VAPB: variants seen among roughly 807,000 people sequenced by gnomAD.
VAPB encodes vesicle-associated membrane protein-associated protein B/C.
Under a neutral mutation model 25.6 loss-of-function variants are expected in VAPB, and 7 were observed. That is an observed-to-expected ratio of 0.27 (90% confidence interval 0.16 to 0.51). VAPB has a LOEUF of 0.51. VAPB is among the 20% of genes least tolerant of loss of function. VAPB has a pLI of 0.97. For synonymous variants in VAPB, 112 were observed against 109.2 expected, an observed-to-expected ratio of 1.03 and a Z score of -0.16; for missense variants, 266 against 301.3, an observed-to-expected ratio of 0.88 and a Z score of 0.87.
intron 2 of VAPB, among the ~76,000 whole-genome samples, chr20:58,423,523 G>A (rs1201343545): frequency 1.4e-5 from 2 of 147,912 alleles, no homozygotes; most frequent in East Asian, 2.0e-4. Context: ...TAATTTAAAT[G>A]GATAGTATTG....
At chr20:58,416,507 C>T (rs936447383) in intron 1 of VAPB, among the ~76,000 whole-genome samples, 2 of 151,284 alleles carry the variant, frequency 1.3e-5, no homozygotes, top group African/African-American at 4.9e-5. Flanking sequence ...TTGGGTTCAG[C>T]GAGGAGCAGT....
rs1158258388 is a variant in VAPB at position 58,451,011 on chromosome 20, C to T, written c.*6776C>T. 2.2e-6 allele frequency: 1 copy of T among 451,868 alleles called. No homozygotes were observed. Among genetic ancestry groups the T allele is most frequent in the Admixed American group, 2.4e-5 (1 of 42,464 alleles). The allele number at this position is 451,868 out of a possible 1,614,324, so 28.0% of individuals were successfully genotyped here. A position where few individuals can be genotyped will look rare whatever the true frequency, so the allele number is the denominator to read the frequency against. ...TGTTCTCCCATGTTCCATTATCAGCCTGATGAAACCTGCCCTGCCAAGGCA... is the reference window on the plus strand; with the variant it reads ...TGTTCTCCCATGTTCCATTATCAGCTTGATGAAACCTGCCCTGCCAAGGCA... On this transcript the variant is annotated 3_prime_UTR_variant, in exon 6 of 6. Transcript: ENST00000475243.
intron 3 of VAPB, among the ~76,000 whole-genome samples, chr20:58,436,941 A>C (rs940441547): frequency 2.0e-5 from 3 of 150,626 alleles, no homozygotes; most frequent in Non-Finnish European, 4.4e-5. Flanking sequence ...TTGTTCCAAA[A>C]GTGACCTTTA....
intron 1 of VAPB, among the ~76,000 whole-genome samples, chr20:58,413,703 C>G (rs1988441029): frequency 6.6e-6 from 1 of 151,910 alleles, no homozygotes; most frequent in African/African-American, 2.4e-5. Context: ...AGGGGCTCCT[C>G]ACTTCCCAGT....
Position 58,412,590 on chromosome 20 carries a change from A to AT in VAPB, c.59-5621_59-5620insT, listed in dbSNP as rs397761914. 2.7e-5 allele frequency among the ~76,000 whole-genome samples: 4 copies of AT among 150,082 alleles called. 2 individuals carry two copies. Among genetic ancestry groups the AT allele is most frequent in the Non-Finnish European group, 5.9e-5 (4 of 67,466 alleles). ...AGACTCTGTCTCAAAAAAAAAAAAA[A>AT]GGTAAAATTATATATTTACTCCTTA... On this transcript the variant is annotated intron_variant, in intron 1 of 5. Coordinates refer to ENST00000475243, the MANE Select transcript of VAPB (RefSeq NM_004738.5).
At position 58,389,330 on chromosome 20, in the gene VAPB, A is replaced by T; in HGVS notation, c.-130A>T. ...CCCCCCCAGCGCGCCCACCCGGTAG[A>T]GGACCCCCGCCCGTGCCCCGACCGG... is the stretch of plus-strand genomic sequence containing the variant. On this transcript the variant is annotated 5_prime_UTR_variant, in exon 1 of 6. Transcript: ENST00000475243. 2.1e-6 allele frequency: 1 copy of T among 466,058 alleles called. No individual in the cohort carries two copies. Among genetic ancestry groups the T allele is most frequent in the Non-Finnish European group, 4.0e-6 (1 of 248,406 alleles). The allele number at this position is 466,058 out of a possible 1,614,324, so 28.9% of individuals were successfully genotyped here.
chr20:58,391,294 T>A (rs1370506748), intron 1 of VAPB, among the ~76,000 whole-genome samples: 1 of 152,070 alleles, frequency 6.6e-6, no homozygotes, highest in Non-Finnish European at 1.5e-5. Context: ...TCCCAGTACT[T>A]TAGGGAAGGG....
intron 2 of VAPB, among the ~76,000 whole-genome samples, chr20:58,423,597 G>A (rs1200814869): frequency 6.6e-6 from 1 of 152,180 alleles, no homozygotes; most frequent in East Asian, 1.9e-4. Context: ...TGGCCCTGGA[G>A]CAGTCAACCA....
At chr20:58,442,573 A>G (rs1426043023) in intron 5 of VAPB, among the ~76,000 whole-genome samples, 5 of 152,214 alleles carry the variant, frequency 3.3e-5, no homozygotes, top group African/African-American at 1.2e-4. Context: ...CAACATTAGA[A>G]GATTCTTTAT....
chr20:58,394,980 G>A (rs1222662585), intron 1 of VAPB, among the ~76,000 whole-genome samples: 1 of 152,158 alleles, frequency 6.6e-6, no homozygotes, highest in Non-Finnish European at 1.5e-5. Context: ...TTCAAATGCT[G>A]AAGGCAGAAT....
intron 5 of VAPB, among the ~76,000 whole-genome samples, chr20:58,442,008 T>G (rs1989172185): frequency 6.6e-6 from 1 of 152,160 alleles, no homozygotes; most frequent in Non-Finnish European, 1.5e-5. Context: ...TACTGAGTGA[T>G]GAAGTGGGGA....
intron 5 of VAPB, among the ~76,000 whole-genome samples, chr20:58,442,854 G>T (rs747324582): frequency 6.6e-6 from 1 of 152,172 alleles, no homozygotes; most frequent in Non-Finnish European, 1.5e-5. Flanking sequence ...GGACCTACTA[G>T]GTACTCGGGC....
chr20:58,445,602 A>G lies in VAPB; in HGVS notation c.*1367A>G, dbSNP rs1243708072. 1 of 454,208 alleles carries G rather than the reference A, an allele frequency of 2.2e-6. No individual in the cohort carries two copies. Among genetic ancestry groups the G allele is most frequent in the Non-Finnish European group, 4.4e-6 (1 of 226,768 alleles). 28.1% of individuals were successfully genotyped at this position (454,208 alleles called of 1,614,324 possible). On this transcript the variant is annotated 3_prime_UTR_variant, in exon 6 of 6. Transcript: ENST00000475243. The stretch of plus-strand genomic sequence containing the variant: ...GCTCTATGGGGGGAATTATTATTTT[A>G]TCATTTTTATTATTTTGCCATTGGA...
intron 1 of VAPB, among the ~76,000 whole-genome samples, chr20:58,414,774 C>T (rs1412138816): frequency 6.6e-6 from 1 of 152,010 alleles, no homozygotes; most frequent in Non-Finnish European, 1.5e-5. Flanking sequence ...CCCCACATCC[C>T]AGACGATGGG....
intron 1 of VAPB, among the ~76,000 whole-genome samples, chr20:58,401,495 A>AT (rs2123028748): frequency 6.6e-6 from 1 of 152,120 alleles, no homozygotes; most frequent in African/African-American, 2.4e-5. Context: ...CTTCACTACC[A>AT]TTTGACCCCT....
At chr20:58,418,129 A>G in intron 1 of VAPB, 82 bp from the exon 2 acceptor site, 1 of 1,579,876 alleles carries the variant, frequency 6.3e-7, no homozygotes, top group African/African-American at 1.3e-5. Context: ...TCTTCCCTTA[A>G]CTATATTTAC....
chr20:58,434,827 T>C (rs1275457017), intron 3 of VAPB, 122 bp downstream of exon 3: 6 of 667,814 alleles, frequency 9.0e-6, no homozygotes, highest in Non-Finnish European at 1.6e-5. Flanking sequence ...AATAGTTTTT[T>C]TTCAAGGAGG....
rs1318198584 is a variant in VAPB at position 58,450,118 on chromosome 20, C to G, written c.*5883C>G. 1.1e-5 allele frequency: 5 copies of G among 453,982 alleles called. No homozygotes were observed. The highest frequency in any genetic ancestry group is 2.2e-5 in the Non-Finnish European group (5 of 226,792). The allele number at this position is 453,982 out of a possible 1,614,324, so 28.1% of individuals were successfully genotyped here. A position where few individuals can be genotyped will look rare whatever the true frequency, so the allele number is the denominator to read the frequency against. On this transcript the variant is annotated 3_prime_UTR_variant, in exon 6 of 6. Transcript: ENST00000475243. ...TCCATGTCATACAAAAAAGTCCTGG[C>G]TGTTTCTCCGAACTGGCTGCCTGCA...
Position 58,389,370 on chromosome 20 carries a change from T to C in VAPB, c.-90T>C. ...GCCCCGACCGGTCCCCGCCTTTTTG[T>C]AAAACTTAAAGCGGGCGCAGCATTA... is the stretch of plus-strand genomic sequence containing the variant. On this transcript the variant is annotated 5_prime_UTR_variant, in exon 1 of 6. Transcript: ENST00000475243. 7.9e-7 allele frequency: 1 copy of C among 1,266,366 alleles called. No individual in the cohort carries two copies. The highest frequency in any genetic ancestry group is 4.9e-5 in the East Asian group (1 of 20,280). 78.4% of individuals were successfully genotyped at this position (1,266,366 alleles called of 1,614,324 possible).
Sources: gnomAD v4.1 joint callset for allele counts (sites outside exome capture counted in the v4.1 genomes callset) on GRCh38, gnomAD v4.1.1 for gene constraint, MANE v1.5 for transcripts, NCBI Gene and HGNC (gene_info 2026-07-23, HGNC 2026-07-21) for gene names.